The following CD36 variants were observed in gnomAD, a reference collection of about 807,000 sequenced individuals.
The protein encoded by CD36 is CD36 molecule (CD36 blood group).
A neutral mutation model predicts 55.2 loss-of-function variants in CD36; 119 were observed. That is an observed-to-expected ratio of 2.15 (90% CI 1.86 to 2.51). The LOEUF is 2.51. Ranked by LOEUF, CD36 falls within the 30% of genes most tolerant of loss-of-function variation. The probability of loss-of-function intolerance (pLI) is 0.00; values close to 1 mark genes in which losing one functional copy is unlikely to be tolerated. For synonymous variants in CD36, 186 were observed against 193.6 expected (o/e 0.96, Z 0.33); for missense variants, 819 against 555.5 (o/e 1.47, Z -4.77).
At chr7:80,610,943 A>T (rs1476926279) in intron 1 of CD36, among the ~76,000 whole-genome samples, 3 of 151,820 alleles carry the variant, frequency 2.0e-5, no homozygotes, top group Non-Finnish European at 1.5e-5. Context: ...TGGCACAATC[A>T]TAGCTCACTG....
At chr7:80,645,220 G>T (rs1795072783) in intron 1 of CD36, among the ~76,000 whole-genome samples, 1 of 151,288 alleles carries the variant, frequency 6.6e-6, no homozygotes, top group Non-Finnish European at 1.5e-5. Context: ...GGGTTTCTCT[G>T]TGTTGGTCGG....
At chr7:80,644,114 A>C (rs1326504482) in intron 1 of CD36, among the ~76,000 whole-genome samples, 3 of 152,190 alleles carry the variant, frequency 2.0e-5, no homozygotes, top group Non-Finnish European at 2.9e-5. Flanking sequence ...AGGAAATTCT[A>C]TTTGACAATA....
Position 80,669,975 on chromosome 7 carries a change from T to G in CD36, c.771T>G (p.Phe257Leu), listed in dbSNP as rs200302524. Residue 257 changes from phenylalanine to leucine, a missense_variant, in exon 9 of 15, where the codon TTT (phenylalanine) becomes TTG (leucine). Transcript: ENST00000447544. ...CAGATGCAGCCTCATTTCCACCTTT[T>G]GTTGAGAAAAGCCAGGTATTGCAGT... ...NGTDAASFPP[F>L]VEKSQVLQFF... The G allele has an allele frequency of 1.2e-6, 2 of 1,612,706 alleles. No homozygotes were observed. The highest frequency in any genetic ancestry group is 2.7e-5 in the African/African-American group (2 of 75,004).
In CD36 at chr7:80,664,468, T is replaced by G. The variant is rs898610275; in HGVS notation, c.672T>G (p.Val224=). The stretch of plus-strand genomic sequence containing the variant: ...ATGGAAAAGATAACATAAGTAAAGT[T>G]GCCATAATCGACACATATAAAGGTA... ...VFNGKDNISK[V]AIIDTYKGKR... is the part of the protein sequence containing the mutation. The change falls in exon 7 of 15, where the codon GTT becomes GTG. Residue 224 remains valine, a synonymous_variant. Coordinates refer to ENST00000447544, the MANE Select transcript of CD36 (RefSeq NM_001001548.3). The G allele has an allele frequency of 6.3e-7, 1 of 1,580,682 alleles. No homozygotes were observed. The highest frequency in any genetic ancestry group is 1.3e-5 in the African/African-American group (1 of 74,166).
chr7:80,675,441 A>T (rs938191577), intron 14 of CD36, among the ~76,000 whole-genome samples: 4 of 151,656 alleles, frequency 2.6e-5, no homozygotes, highest in Non-Finnish European at 4.4e-5. Flanking sequence ...ATTATGTGAT[A>T]CATTTTTATG....
intron 1 of CD36, among the ~76,000 whole-genome samples, chr7:80,621,951 T>C (rs1584295091): frequency 1.3e-5 from 2 of 152,336 alleles, no homozygotes; most frequent in South Asian, 4.1e-4. Context: ...TTTCCTCTGA[T>C]TGATCCCCAC....
intron 1 of CD36, among the ~76,000 whole-genome samples, chr7:80,616,354 T>C (rs1411907810): frequency 6.6e-6 from 1 of 152,020 alleles, no homozygotes; most frequent in Non-Finnish European, 1.5e-5. Context: ...CTACTGAATG[T>C]ATATTGCTTT....
Position 80,669,486 on chromosome 7 carries a change from G to A in CD36, c.749-467G>A, listed in dbSNP as rs148819004. On this transcript the variant is annotated intron_variant, in intron 8 of 14. Transcript: ENST00000447544. ...CTTGTCGCCCAGGCTGGAGTGCAAT[G>A]GCATGATCTTGGCTCACTGCAGTAT... Among the ~76,000 whole-genome samples the A allele has an allele frequency of 1.0e-3, 156 of 152,210 alleles. 4 individuals carry two copies. In the East Asian group the frequency reaches 0.021, roughly 21 times the overall value.
At chr7:80,664,629 C>T (rs528478752) in intron 7 of CD36, 132 bp downstream of exon 7, 2 of 689,710 alleles carry the variant, frequency 2.9e-6, no homozygotes, top group Non-Finnish European at 5.4e-6. Flanking sequence ...GCTCTGGAAA[C>T]TCCTGTTCTG....
At chr7:80,666,817 T>C (rs912288831) in intron 8 of CD36, among the ~76,000 whole-genome samples, 12 of 152,192 alleles carry the variant, frequency 7.9e-5, no homozygotes, top group Non-Finnish European at 1.2e-4. Flanking sequence ...ATTTCAAATA[T>C]TTTATAAATA....
At chr7:80,641,562 G>GA (rs951161449) in intron 1 of CD36, among the ~76,000 whole-genome samples, 30 of 151,646 alleles carry the variant, frequency 2.0e-4, no homozygotes, top group African/African-American at 5.6e-4. Flanking sequence ...CTTATAGATA[G>GA]AAAAAAAAGA....
At chr7:80,647,148 T>C (rs1009908046) in intron 3 of CD36, 17 of 355,164 alleles carry the variant, frequency 4.8e-5, no homozygotes, top group South Asian at 1.8e-4. Context: ...TTTTAAGTTA[T>C]GTCCAAAGAG....
At chr7:80,635,881 T>C (rs1794366054), upstream of CD36, among the ~76,000 whole-genome samples, 1 of 152,160 alleles carries the variant, frequency 6.6e-6, no homozygotes, top group Non-Finnish European at 1.5e-5. Context: ...ATGATGGTTA[T>C]AATAGTCTTG....
chr7:80,673,250 AAATC>A, intron 12 of CD36, 101 bp from the exon 13 acceptor site: 1 of 615,472 alleles, frequency 1.6e-6, no homozygotes, highest in Admixed American at 3.0e-5. Context: ...TACAGGAACA[AAATC>A]AAATTAGCAA....
chr7:80,637,836 C>T (rs1409449364), upstream of CD36, among the ~76,000 whole-genome samples: 1 of 151,954 alleles, frequency 6.6e-6, no homozygotes, highest in East Asian at 1.9e-4. Context: ...TTTATAAGAA[C>T]AGGGTCTTGA....
At chr7:80,647,760 T>C (rs1042379674) in intron 3 of CD36, among the ~76,000 whole-genome samples, 2 of 152,166 alleles carry the variant, frequency 1.3e-5, no homozygotes, top group Non-Finnish European at 2.9e-5. Context: ...TGCTGTGAAC[T>C]AGACTGTGTG....
rs773597544 is a variant in CD36, at chr7:80,646,734, A to G, written c.-7A>G. 4.3e-6 allele frequency: 7 copies of G among 1,613,950 alleles called. No homozygotes were observed. Among genetic ancestry groups the G allele is most frequent in the Non-Finnish European group, 5.9e-6 (7 of 1,179,908 alleles). ...CTTAACACTAATTCACCTCCTGAAC[A>G]AGAAAAATGGGCTGTGACCGGAACT... On this transcript the variant is annotated 5_prime_UTR_variant, in exon 3 of 15. Transcript: ENST00000447544.
chr7:80,647,206 A>C (rs1469294081), intron 3 of CD36: 2 of 280,476 alleles, frequency 7.1e-6, no homozygotes, highest in South Asian at 3.8e-5. Context: ...TATTTTGTAA[A>C]AGCACATTTA....
At position 80,656,529 on chromosome 7, in the gene CD36, CTTTTT is replaced by C. The variant is rs758081411; in HGVS notation, c.121-10_121-6del. 1 of 1,612,744 alleles carries C rather than the reference CTTTTT, an allele frequency of 6.2e-7. No homozygotes were observed. Among genetic ancestry groups the C allele is most frequent in the East Asian group, 2.2e-5 (1 of 44,754 alleles). ...CAAAGACATAACCCAAACTTATTTT[CTTTTT>C]CATAGCAAGTTGTCCTCGAAGAAGG... On this transcript the variant is annotated splice_region_variant and splice_polypyrimidine_tract_variant and intron_variant, in intron 3 of 14. Coordinates refer to ENST00000447544, the MANE Select transcript of CD36 (RefSeq NM_001001548.3).
Sources: gnomAD v4.1 joint callset for allele counts (sites outside exome capture counted in the v4.1 genomes callset) on GRCh38, gnomAD v4.1.1 for gene constraint, MANE v1.5 for transcripts, NCBI Gene and HGNC (gene_info 2026-07-23, HGNC 2026-07-21) for gene names.